Variants in KCTD16 observed in about 807,000 individuals in gnomAD.
KCTD16 encodes BTB/POZ domain-containing protein KCTD16.
Under a neutral mutation model 33.2 loss-of-function variants are expected in KCTD16, and 13 were observed. That is an observed-to-expected ratio of 0.39 (90% CI 0.25 to 0.62). KCTD16 has a LOEUF of 0.62. Among genes scored for constraint, KCTD16 ranks in the 20% least tolerant of loss-of-function variants. The pLI, the probability that KCTD16 is intolerant of heterozygous loss-of-function variation, is 0.50. For missense variants in KCTD16, 441 were observed against 525.1 expected (o/e 0.84, Z 1.57); for synonymous variants, 197 against 195.3 (o/e 1.01, Z -0.07).
intron 3 of KCTD16, among the ~76,000 whole-genome samples, chr5:144,238,347 C>T (rs1232488306): frequency 1.3e-5 from 2 of 152,098 alleles, no homozygotes; most frequent in African/African-American, 2.4e-5. Context: ...CTCAATGTCC[C>T]TTAAAATTCT....
At position 144,414,100 on chromosome 5, in the gene KCTD16, C is replaced by G. The variant is rs761147062; in HGVS notation, c.833-59560C>G. Among the ~76,000 whole-genome samples the G allele has an allele frequency of 8.5e-5, 13 of 152,164 alleles. 1 individual carries two copies. The highest frequency in any genetic ancestry group is 1.6e-4 in the Non-Finnish European group (11 of 68,004). On this transcript the variant is annotated intron_variant, in intron 3 of 3. Coordinates refer to ENST00000512467, the MANE Select transcript of KCTD16 (RefSeq NM_020768.4). ...GACTTCTGGGTGGGTTTAAAACAATCTATCTAGCCACAAGTTAGATAAGTA... is the reference window on the plus strand; with the variant it reads ...GACTTCTGGGTGGGTTTAAAACAATGTATCTAGCCACAAGTTAGATAAGTA...
At chr5:144,408,059 AG>A (rs1414177405) in intron 3 of KCTD16, among the ~76,000 whole-genome samples, 1 of 152,226 alleles carries the variant, frequency 6.6e-6, no homozygotes, top group South Asian at 2.1e-4. Flanking sequence ...ATATATACCC[AG>A]TAATGGGATT....
intron 3 of KCTD16, among the ~76,000 whole-genome samples, chr5:144,263,618 A>G (rs1383739339): frequency 6.6e-6 from 1 of 152,232 alleles, no homozygotes; most frequent in African/African-American, 2.4e-5. Flanking sequence ...TAAGTATTAG[A>G]AGATTAAAAA....
intron 3 of KCTD16, among the ~76,000 whole-genome samples, chr5:144,245,443 G>A (rs10041567): frequency 0.037 from 5,560 of 152,210 alleles, 299 homozygotes; most frequent in African/African-American, 0.12. Context: ...GAGTATTCCA[G>A]GCAAAAGGAC....
intron 3 of KCTD16, among the ~76,000 whole-genome samples, chr5:144,304,493 C>G (rs191712639): frequency 1.1e-3 from 173 of 152,206 alleles, no homozygotes; most frequent in African/African-American, 3.3e-3. Flanking sequence ...AATTGATCAG[C>G]CTGGAGAAGA....
chr5:144,310,422 A>G (rs1227989913), intron 3 of KCTD16, among the ~76,000 whole-genome samples: 1 of 152,064 alleles, frequency 6.6e-6, no homozygotes, highest in Non-Finnish European at 1.5e-5. Flanking sequence ...ACCCAGTAGT[A>G]GGATTGCCAG....
At chr5:144,179,134 C>T (rs1262522391) in intron 2 of KCTD16, among the ~76,000 whole-genome samples, 4 of 152,144 alleles carry the variant, frequency 2.6e-5, no homozygotes, top group African/African-American at 9.7e-5. Flanking sequence ...TATTGTAAGA[C>T]CTACAGTTGC....
chr5:144,464,802 C>T (rs928495395), intron 3 of KCTD16, among the ~76,000 whole-genome samples: 1 of 151,504 alleles, frequency 6.6e-6, no homozygotes, highest in Non-Finnish European at 1.5e-5. Context: ...TTCATAGCTG[C>T]GAATTGTTAG....
intron 3 of KCTD16, among the ~76,000 whole-genome samples, chr5:144,307,384 T>A (rs2126874876): frequency 6.6e-6 from 1 of 152,324 alleles, no homozygotes; most frequent in South Asian, 2.1e-4. Flanking sequence ...CTAAACTTCT[T>A]GAGGACTGAG....
At chr5:144,467,580 G>A (rs577290947) in intron 3 of KCTD16, among the ~76,000 whole-genome samples, 2 of 152,282 alleles carry the variant, frequency 1.3e-5, no homozygotes, top group East Asian at 1.9e-4. Flanking sequence ...TGAAAGCAAC[G>A]GGCAGGAGGA....
chr5:144,354,499 C>T (rs750937516), intron 3 of KCTD16, among the ~76,000 whole-genome samples: 3 of 152,154 alleles, frequency 2.0e-5, no homozygotes, highest in Non-Finnish European at 4.4e-5. Context: ...AGAACCTCCA[C>T]CTATGGCCAG....
intron 3 of KCTD16, among the ~76,000 whole-genome samples, chr5:144,254,085 G>C (rs965023578): frequency 6.6e-6 from 1 of 151,826 alleles, no homozygotes; most frequent in African/African-American, 2.4e-5. Context: ...GCCTGGATAG[G>C]TCTTTGGAGA....
At chr5:144,412,382 G>T (rs575369869) in intron 3 of KCTD16, among the ~76,000 whole-genome samples, 1 of 152,254 alleles carries the variant, frequency 6.6e-6, no homozygotes, top group South Asian at 2.1e-4. Context: ...CTACATAAAT[G>T]AAACTGGAAG....
chr5:144,332,655 G>T (rs1416026186), intron 3 of KCTD16, among the ~76,000 whole-genome samples: 1 of 152,208 alleles, frequency 6.6e-6, no homozygotes, highest in Admixed American at 6.5e-5. Flanking sequence ...AGAAATTGAA[G>T]AAGTTTTATC....
At chr5:144,265,497 C>G (rs911567070) in intron 3 of KCTD16, among the ~76,000 whole-genome samples, 1 of 152,132 alleles carries the variant, frequency 6.6e-6, no homozygotes, top group Non-Finnish European at 1.5e-5. Flanking sequence ...AGGAAACAAC[C>G]CAGGATCTTG....
At chr5:144,433,000 G>C (rs1225893249) in intron 3 of KCTD16, among the ~76,000 whole-genome samples, 2 of 152,120 alleles carry the variant, frequency 1.3e-5, no homozygotes, top group African/African-American at 4.8e-5. Flanking sequence ...GATTAGTGGA[G>C]AGATTAAATG....
At chr5:144,330,411 C>CAA (rs10577099) in intron 3 of KCTD16, among the ~76,000 whole-genome samples, 50 of 87,336 alleles carry the variant, frequency 5.7e-4, no homozygotes, top group East Asian at 1.5e-3. Context: ...GAAACTCCAT[C>CAA]AAAAAAAAAA....
At chr5:144,227,829 G>C (rs1753980920) in intron 3 of KCTD16, among the ~76,000 whole-genome samples, 1 of 152,178 alleles carries the variant, frequency 6.6e-6, no homozygotes, top group African/African-American at 2.4e-5. Flanking sequence ...CTGATGGCAT[G>C]GGTGTGTTGT....
chr5:144,364,879 G>T (rs1751797132), intron 3 of KCTD16, among the ~76,000 whole-genome samples: 1 of 152,018 alleles, frequency 6.6e-6, no homozygotes, highest in Non-Finnish European at 1.5e-5. Flanking sequence ...ATTTTTTTCT[G>T]TTCTTTTTTT....
Sources: allele counts gnomAD v4.1 joint callset (sites outside exome capture counted in the v4.1 genomes callset), GRCh38; gene constraint gnomAD v4.1.1; transcripts MANE v1.5; gene names NCBI Gene and HGNC (gene_info 2026-07-23, HGNC 2026-07-21).